DLG2: variants seen among roughly 807,000 people sequenced by gnomAD.
DLG2 encodes the protein discs large MAGUK scaffold protein 2.
In DLG2, 45 loss-of-function variants were observed where a neutral mutation model predicts 132.5. The observed-to-expected ratio is 0.34, with a 90% CI of 0.27 to 0.44. DLG2 has a LOEUF of 0.44. Among genes scored for constraint, DLG2 ranks in the 20% least tolerant of loss-of-function variants. The pLI, the probability that DLG2 is intolerant of heterozygous loss-of-function variation, is 1.00. For synonymous variants in DLG2, 424 were observed against 419.6 expected (o/e 1.01, Z -0.13); for missense variants, 1,045 against 1,196.9 (o/e 0.87, Z 1.87).
At chr11:83,828,434 G>A (rs1398759039) in intron 17 of DLG2, among the ~76,000 whole-genome samples, 1 of 152,138 alleles carries the variant, frequency 6.6e-6, no homozygotes, top group Non-Finnish European at 1.5e-5. Context: ...CCCACTACTG[G>A]TGTCCTGTAA....
At position 83,472,895 on chromosome 11, in the gene DLG2, T is replaced by C. The variant is rs578060372; in HGVS notation, c.2294-118A>G. 47 of 809,844 alleles carry C rather than the reference T, an allele frequency of 5.8e-5. 1 individual carries two copies. In the Middle Eastern group the frequency reaches 1.0e-3, roughly 18 times the overall value. 50.2% of individuals were successfully genotyped at this position (809,844 alleles called of 1,614,324 possible). ...CAGAGTTAATTCTCCTTGCTCTTTC[T>C]CCTTGAACCATTCAAAAATAACTTC... On this transcript the variant is annotated intron_variant, in intron 22 of 27. Transcript: ENST00000376104.
At chr11:85,553,203 T>TA (rs1043434472) in intron 3 of DLG2, among the ~76,000 whole-genome samples, 14 of 151,664 alleles carry the variant, frequency 9.2e-5, no homozygotes, top group African/African-American at 3.4e-4. Context: ...AGGAATAGAA[T>TA]AATATCTGCA....
rs116289829 is a variant in DLG2, at chr11:83,614,210, C to T, written c.1940+19001G>A. ...CCACTACACTGGGAGTACCCTAAAG[C>T]AAGGACTGAGTACTTTTATCCTTGT... On this transcript the variant is annotated intron_variant, in intron 19 of 27. Transcript: ENST00000376104. Among the ~76,000 whole-genome samples, 958 of 152,250 alleles carry T rather than the reference C, an allele frequency of 6.3e-3. 8 individuals are homozygous for T. Among genetic ancestry groups the T allele is most frequent in the African/African-American group, 0.021 (885 of 41,534 alleles).
intron 3 of DLG2, among the ~76,000 whole-genome samples, chr11:85,521,137 A>C (rs1463406710): frequency 6.6e-6 from 1 of 152,208 alleles, no homozygotes; most frequent in Non-Finnish European, 1.5e-5. Flanking sequence ...TCTGTGTCTC[A>C]AATCTTATCT....
chr11:83,747,402 G>C (rs1342057329), intron 18 of DLG2, among the ~76,000 whole-genome samples: 1 of 145,512 alleles, frequency 6.9e-6, no homozygotes, highest in African/African-American at 2.6e-5. Flanking sequence ...ACAGGGTCTG[G>C]CTCTGTCACT....
intron 16 of DLG2, among the ~76,000 whole-genome samples, chr11:83,852,254 A>G (rs2059908426): frequency 6.6e-6 from 1 of 152,220 alleles, no homozygotes. Flanking sequence ...CAATGCACAA[A>G]CTGACATGAA....
intron 3 of DLG2, among the ~76,000 whole-genome samples, chr11:85,436,231 A>C (rs1240413074): frequency 6.6e-6 from 1 of 152,220 alleles, no homozygotes; most frequent in Non-Finnish European, 1.5e-5. Flanking sequence ...AGGCAATACC[A>C]TTCAGGACAT....
chr11:84,345,396 A>G (rs2098534960), intron 7 of DLG2, among the ~76,000 whole-genome samples: 1 of 152,218 alleles, frequency 6.6e-6, no homozygotes, highest in South Asian at 2.1e-4. Context: ...TTTTTAAGTT[A>G]TGATATTTAA....
intron 5 of DLG2, among the ~76,000 whole-genome samples, chr11:85,137,758 G>C (rs920134118): frequency 6.6e-6 from 1 of 152,110 alleles, no homozygotes; most frequent in African/African-American, 2.4e-5. Flanking sequence ...CTGTCTATCT[G>C]TTCCCCATAT....
chr11:84,926,215 G>GATT (rs2092971120), intron 6 of DLG2, among the ~76,000 whole-genome samples: 1 of 151,794 alleles, frequency 6.6e-6, no homozygotes, highest in African/African-American at 2.4e-5. Context: ...AGTTAGAAAA[G>GATT]GTTATTAAAA....
intron 17 of DLG2, among the ~76,000 whole-genome samples, chr11:83,787,610 C>G: frequency 6.6e-6 from 1 of 151,988 alleles, no homozygotes; most frequent in Non-Finnish European, 1.5e-5. Context: ...CGTGAGCCAC[C>G]GCGCCCGGCC....
At chr11:85,357,957 C>G (rs563512756) in intron 3 of DLG2, among the ~76,000 whole-genome samples, 58 of 151,372 alleles carry the variant, frequency 3.8e-4, no homozygotes, top group Non-Finnish European at 6.0e-4. Context: ...CAAATTCTAC[C>G]TATGTTCTGA....
chr11:84,557,583 T>A (rs544609710), intron 6 of DLG2, among the ~76,000 whole-genome samples: 199 of 152,272 alleles, frequency 1.3e-3, no homozygotes, highest in Non-Finnish European at 2.2e-3. Context: ...GAAATTTATT[T>A]ATGTTGATGT....
intron 3 of DLG2, among the ~76,000 whole-genome samples, chr11:85,489,510 A>C (rs1565573049): frequency 6.6e-6 from 1 of 152,156 alleles, no homozygotes; most frequent in Non-Finnish European, 1.5e-5. Context: ...ATCGAGACCG[A>C]AAATCAACAA....
chr11:84,179,104 A>G (rs990361768), intron 8 of DLG2, among the ~76,000 whole-genome samples: 1 of 152,168 alleles, frequency 6.6e-6, no homozygotes, highest in Non-Finnish European at 1.5e-5. Flanking sequence ...GCCATTTAAA[A>G]AAATTAAAGT....
chr11:85,451,815 G>A (rs937895371), intron 3 of DLG2, among the ~76,000 whole-genome samples: 5 of 152,046 alleles, frequency 3.3e-5, no homozygotes, highest in Non-Finnish European at 7.4e-5. Context: ...CTCCCAAAGT[G>A]CTATGATTAC....
intron 3 of DLG2, among the ~76,000 whole-genome samples, chr11:85,381,845 G>C (rs2085918011): frequency 6.6e-6 from 1 of 151,920 alleles, no homozygotes; most frequent in African/African-American, 2.4e-5. Context: ...ATAAAGTAAA[G>C]ATATAGATAA....
chr11:84,309,548 G>A (rs1376950389), intron 7 of DLG2, among the ~76,000 whole-genome samples: 1 of 152,158 alleles, frequency 6.6e-6, no homozygotes, highest in African/African-American at 2.4e-5. Flanking sequence ...ACATGTACTA[G>A]GTGACTACTA....
intron 8 of DLG2, among the ~76,000 whole-genome samples, chr11:84,235,815 C>T (rs2097150813): frequency 1.3e-5 from 2 of 151,982 alleles, no homozygotes; most frequent in Admixed American, 1.3e-4. Context: ...TTACTATCTG[C>T]TGTGTGACCT....
Sources: allele counts gnomAD v4.1 joint callset (sites outside exome capture counted in the v4.1 genomes callset), GRCh38; gene constraint gnomAD v4.1.1; transcripts MANE v1.5; gene names NCBI Gene and HGNC (gene_info 2026-07-23, HGNC 2026-07-21).